The following EPHA6 variants were observed in gnomAD, a reference collection of about 807,000 sequenced individuals.
The protein encoded by EPHA6 is ephrin type-A receptor 6.
A neutral mutation model predicts 112.0 loss-of-function variants in EPHA6; 50 were observed. The ratio of observed to expected loss-of-function variants is 0.45; its 90% CI spans 0.36 to 0.56. The LOEUF is 0.56. Ranked by LOEUF, EPHA6 falls within the 20% of genes least tolerant of loss-of-function variation. The probability of loss-of-function intolerance (pLI) is 0.00; values close to 1 mark genes in which losing one functional copy is unlikely to be tolerated. For synonymous variants in EPHA6, 529 were observed against 490.7 expected (o/e 1.08, Z -1.03); for missense variants, 1,280 against 1,417.4 (o/e 0.90, Z 1.56).
At chr3:97,105,300 G>A (rs992067742) in intron 3 of EPHA6, among the ~76,000 whole-genome samples, 4 of 151,748 alleles carry the variant, frequency 2.6e-5, no homozygotes, top group Admixed American at 6.6e-5. Flanking sequence ...CACTGTCTTA[G>A]CCCCTCTTAA....
intron 10 of EPHA6, among the ~76,000 whole-genome samples, chr3:97,496,805 GCA>G (rs1430970683): frequency 6.6e-6 from 1 of 151,210 alleles, no homozygotes; most frequent in African/African-American, 2.4e-5. Context: ...GTGCATTGAT[GCA>G]CACACACAAA....
At chr3:96,936,043 A>T (rs1213385211) in intron 2 of EPHA6, among the ~76,000 whole-genome samples, 1 of 151,958 alleles carries the variant, frequency 6.6e-6, no homozygotes, top group East Asian at 1.9e-4. Flanking sequence ...AAAAGGGGGG[A>T]AAATTCAAGA....
chr3:97,611,053 G>A (rs1401500218), intron 13 of EPHA6, among the ~76,000 whole-genome samples, 199 bp downstream of exon 13: 2 of 151,526 alleles, frequency 1.3e-5, no homozygotes, highest in Non-Finnish European at 3.0e-5. Flanking sequence ...ACTCAATAAC[G>A]TAATTGATTT....
In EPHA6 at chr3:96,932,542, T is replaced by C. The variant is rs555329899; in HGVS notation, c.451-54788T>C. ...AAATAATGAAAAATAATTATGAATGTTCAGTAGAATTTATCTGCAGGATTT... is the reference window on the plus strand; with the variant it reads ...AAATAATGAAAAATAATTATGAATGCTCAGTAGAATTTATCTGCAGGATTT... On this transcript the variant is annotated intron_variant, in intron 2 of 17. Transcript: ENST00000389672. 2.0e-5 allele frequency among the ~76,000 whole-genome samples: 3 copies of C among 152,350 alleles called. No individual in the cohort carries two copies. The East Asian group carries it at 5.8e-4, about 29-fold the overall frequency.
chr3:97,540,710 A>G (rs1282125086), intron 11 of EPHA6, among the ~76,000 whole-genome samples: 3 of 152,206 alleles, frequency 2.0e-5, no homozygotes, highest in Admixed American at 1.3e-4. Flanking sequence ...GTATCATTGT[A>G]AACAGTAAGA....
intron 14 of EPHA6, among the ~76,000 whole-genome samples, chr3:97,657,487 T>C (rs1457808217): frequency 6.6e-6 from 1 of 151,770 alleles, no homozygotes; most frequent in African/African-American, 2.4e-5. Flanking sequence ...ACAGACATAA[T>C]ATGGTAGAGT....
At chr3:97,179,164 C>G (rs574697306) in intron 3 of EPHA6, among the ~76,000 whole-genome samples, 2 of 152,132 alleles carry the variant, frequency 1.3e-5, no homozygotes, top group East Asian at 3.9e-4. Context: ...TTAAAGGACT[C>G]AAACACATTC....
At chr3:97,675,577 C>T (rs976932908) in intron 14 of EPHA6, among the ~76,000 whole-genome samples, 3 of 152,048 alleles carry the variant, frequency 2.0e-5, no homozygotes, top group African/African-American at 7.2e-5. Context: ...AGACCAATAC[C>T]TAACTTCATC....
intron 5 of EPHA6, among the ~76,000 whole-genome samples, chr3:97,259,327 C>T (rs1576789415): frequency 6.6e-6 from 1 of 152,086 alleles, no homozygotes; most frequent in Non-Finnish European, 1.5e-5. Context: ...ATTCCACTCT[C>T]TGTCACTTTC....
At chr3:97,728,372 A>C (rs2034878373) in intron 15 of EPHA6, among the ~76,000 whole-genome samples, 1 of 152,060 alleles carries the variant, frequency 6.6e-6, no homozygotes, top group Non-Finnish European at 1.5e-5. Context: ...GTGTCCTTGT[A>C]TTTTCAAAAA....
intron 1 of EPHA6, among the ~76,000 whole-genome samples, chr3:96,864,262 A>C (rs947243825): frequency 6.6e-6 from 1 of 152,098 alleles, no homozygotes; most frequent in African/African-American, 2.4e-5. Flanking sequence ...CATATAAAAA[A>C]TCTGTATAGG....
intron 5 of EPHA6, among the ~76,000 whole-genome samples, chr3:97,265,417 G>A (rs1462406334): frequency 6.6e-6 from 1 of 152,170 alleles, no homozygotes; most frequent in African/African-American, 2.4e-5. Context: ...CCAAAATCCA[G>A]AGGGGTCCGA....
chr3:97,644,519 C>A (rs2094040231), intron 14 of EPHA6, among the ~76,000 whole-genome samples: 1 of 151,722 alleles, frequency 6.6e-6, no homozygotes, highest in African/African-American at 2.4e-5. Flanking sequence ...TTGAAAGGAT[C>A]AACAAAATTG....
chr3:97,212,390 A>G (rs1184165847), intron 3 of EPHA6, among the ~76,000 whole-genome samples: 1 of 152,212 alleles, frequency 6.6e-6, no homozygotes, highest in African/African-American at 2.4e-5. Context: ...ATATTTATAG[A>G]AACAACATAG....
intron 3 of EPHA6, among the ~76,000 whole-genome samples, chr3:97,177,741 A>AT (rs1388491038): frequency 1.3e-5 from 2 of 151,660 alleles, no homozygotes; most frequent in East Asian, 1.9e-4. Context: ...CTTGAAATCT[A>AT]TTTTTTTCTG....
At chr3:97,742,749 T>C (rs571126062) in intron 16 of EPHA6, among the ~76,000 whole-genome samples, 1 of 152,286 alleles carries the variant, frequency 6.6e-6, no homozygotes, top group East Asian at 1.9e-4. Flanking sequence ...AAAAATGTTT[T>C]AAATATCAAA....
At chr3:97,606,998 C>A (rs756614748) in intron 12 of EPHA6, among the ~76,000 whole-genome samples, 1 of 150,954 alleles carries the variant, frequency 6.6e-6, no homozygotes, top group Non-Finnish European at 1.5e-5. Context: ...TGTTAAATAA[C>A]TGAATGACTT....
At chr3:96,989,949 A>G (rs769882587) in intron 3 of EPHA6, among the ~76,000 whole-genome samples, 2 of 152,188 alleles carry the variant, frequency 1.3e-5, no homozygotes, top group Non-Finnish European at 2.9e-5. Context: ...AGTTAAGTGG[A>G]GAAGACAATA....
chr3:97,179,622 T>C (rs1415462107), intron 3 of EPHA6, among the ~76,000 whole-genome samples: 1 of 152,038 alleles, frequency 6.6e-6, no homozygotes, highest in Non-Finnish European at 1.5e-5. Flanking sequence ...CTTTTAGAGG[T>C]ACTGCCTTGA....
Sources: gnomAD v4.1 joint callset for allele counts (sites outside exome capture counted in the v4.1 genomes callset) on GRCh38, gnomAD v4.1.1 for gene constraint, MANE v1.5 for transcripts, NCBI Gene and HGNC (gene_info 2026-07-23, HGNC 2026-07-21) for gene names.